The following SLC2A14 variants were observed in gnomAD, a reference collection of about 807,000 sequenced individuals.
SLC2A14 encodes the protein solute carrier family 2, facilitated glucose transporter member 14.
SLC2A14 carries 13 observed loss-of-function variants against 43.0 expected under a neutral mutation model. The observed-to-expected ratio is 0.30, with a 90% confidence interval of 0.20 to 0.48. The LOEUF (loss-of-function observed/expected upper bound fraction) is 0.48. Ranked by LOEUF, SLC2A14 falls within the 20% of genes least tolerant of loss-of-function variation. The pLI is 0.99. For synonymous variants in SLC2A14, 190 were observed against 233.8 expected, an observed-to-expected ratio of 0.81 and a Z score of 1.71; for missense variants, 428 against 620.4, an observed-to-expected ratio of 0.69 and a Z score of 3.29.
chr12:7,841,520 C>A (rs1865943408), intron 2 of SLC2A14, among the ~76,000 whole-genome samples: 1 of 152,096 alleles, frequency 6.6e-6, no homozygotes, highest in African/African-American at 2.4e-5. Context: ...CTTGGCCTTC[C>A]AAAGTGCTAG....
rs1480872349 is a variant in SLC2A14 at position 7,813,241 on chromosome 12, CA to C, written c.*1074del. The C allele has an allele frequency of 6.6e-6, 1 of 151,968 alleles. No homozygotes were observed. Among genetic ancestry groups the C allele is most frequent in the African/African-American group, 2.4e-5 (1 of 41,378 alleles). 9.4% of individuals were successfully genotyped at this position (151,968 alleles called of 1,614,324 possible). On this transcript the variant is annotated 3_prime_UTR_variant, in exon 11 of 11. Transcript: ENST00000431042. Reference sequence around the variant, plus strand: ...TCAACACCTAAAATCTCCTAAAGAACAAAGTGGAGAAATAATGAATCTCTAC... The same window carrying C: ...TCAACACCTAAAATCTCCTAAAGAACAAGTGGAGAAATAATGAATCTCTAC...
chr12:7,838,465 AT>A (rs1008832344), intron 2 of SLC2A14, among the ~76,000 whole-genome samples: 110 of 152,080 alleles, frequency 7.2e-4, no homozygotes, highest in African/African-American at 2.6e-3. Context: ...CTTCTTTCTT[AT>A]TTCCCCCATT....
At chr12:7,876,280 CAAAAAAAAAAA>C (rs59935166), upstream of SLC2A14, among the ~76,000 whole-genome samples, 1 of 68,208 alleles carries the variant, frequency 1.5e-5, no homozygotes, top group African/African-American at 5.8e-5. Flanking sequence ...AACTCCATCT[CAAAAAAAAAAA>C]AAAAAAAAAA....
At chr12:7,878,032 T>C (rs4346036), upstream of SLC2A14, among the ~76,000 whole-genome samples, 149,757 of 151,894 alleles carry the variant, frequency 0.99, 73,869 homozygotes, top group Non-Finnish European at 1. Context: ...TGAGCCACCA[T>C]GCCCGGCCTT....
At chr12:7,853,387 G>A (rs980372974) in intron 2 of SLC2A14, among the ~76,000 whole-genome samples, 1 of 134,386 alleles carries the variant, frequency 7.4e-6, no homozygotes, top group African/African-American at 2.8e-5. Flanking sequence ...TGCAGATCAT[G>A]CCATTGCACT....
At chr12:7,874,908 TA>T (rs1299683424), upstream of SLC2A14, among the ~76,000 whole-genome samples, 24 of 106,438 alleles carry the variant, frequency 2.3e-4, 1 homozygote, top group Admixed American at 3.7e-4. Context: ...TATATATAAA[TA>T]CATATATAAA....
upstream of SLC2A14, among the ~76,000 whole-genome samples, chr12:7,874,196 A>C (rs1945368083): frequency 6.6e-6 from 1 of 152,098 alleles, no homozygotes; most frequent in Admixed American, 6.6e-5. Context: ...CAGAACTCTC[A>C]CACATTTGTT....
chr12:7,887,558 CAGATAGATAGAT>C (rs58618647), intron 1 of SLC2A14, among the ~76,000 whole-genome samples: 35,067 of 148,352 alleles, frequency 0.24, 4,318 homozygotes, highest in Non-Finnish European at 0.27. Context: ...GTAGATAAAT[CAGATAGATAGAT>C]AGATAGATAG....
At chr12:7,827,024 CTT>C (rs1864521790) in intron 7 of SLC2A14, among the ~76,000 whole-genome samples, 1 of 114,714 alleles carries the variant, frequency 8.7e-6, no homozygotes, top group African/African-American at 3.1e-5. Context: ...TCTTTCTCTC[CTT>C]TCTCTCTCTT....
At chr12:7,827,215 A>G (rs1864567307) in intron 7 of SLC2A14, among the ~76,000 whole-genome samples, 1 of 149,376 alleles carries the variant, frequency 6.7e-6, no homozygotes. Context: ...GATCCAAGAA[A>G]TTCTCCGGCC....
At chr12:7,883,449 G>A (rs1945627094) in intron 1 of SLC2A14, among the ~76,000 whole-genome samples, 2 of 150,282 alleles carry the variant, frequency 1.3e-5, no homozygotes, top group South Asian at 2.1e-4. Context: ...TGTATTTTTA[G>A]TAGGGACAGG....
chr12:7,870,829 G>A, intron 1 of SLC2A14: 1 of 1,232,042 alleles, frequency 8.1e-7, no homozygotes, highest in Non-Finnish European at 1.0e-6. Context: ...ACCCAGTGAA[G>A]CCCCCACCCA....
intron 1 of SLC2A14, among the ~76,000 whole-genome samples, chr12:7,883,204 A>G (rs1015335442): frequency 2.6e-5 from 4 of 151,708 alleles, no homozygotes; most frequent in South Asian, 2.1e-4. Context: ...AGCAAGTCTC[A>G]GTCTCAAAAA....
intron 2 of SLC2A14, among the ~76,000 whole-genome samples, chr12:7,857,448 C>T (rs776939997): frequency 1.1e-4 from 16 of 151,306 alleles, no homozygotes; most frequent in African/African-American, 2.7e-4. Flanking sequence ...ATTACCCGAG[C>T]GCAGTGGTGC....
At chr12:7,836,653 A>G (rs1565527194) in intron 2 of SLC2A14, among the ~76,000 whole-genome samples, 2 of 151,414 alleles carry the variant, frequency 1.3e-5, no homozygotes, top group Non-Finnish European at 2.9e-5. Flanking sequence ...GGCCAATATC[A>G]CCAATCCCCA....
chr12:7,885,136 T>G (rs1037475100), intron 1 of SLC2A14, among the ~76,000 whole-genome samples: 3 of 152,050 alleles, frequency 2.0e-5, no homozygotes, highest in Non-Finnish European at 2.9e-5. Flanking sequence ...GAACCATGAG[T>G]CAGAAATTTT....
At chr12:7,834,721 G>GAA (rs139733135) in intron 2 of SLC2A14, among the ~76,000 whole-genome samples, 7 of 150,328 alleles carry the variant, frequency 4.7e-5, no homozygotes, top group Non-Finnish European at 7.4e-5. Flanking sequence ...CCTCAAAAAA[G>GAA]AAAAAAAAAG....
intron 1 of SLC2A14, chr12:7,871,226 A>T: frequency 8.0e-7 from 1 of 1,243,652 alleles, no homozygotes; most frequent in South Asian, 1.8e-5. Context: ...GACCACCTCC[A>T]GGAGCTGCTC....
At chr12:7,883,034 C>T (rs1043771894) in intron 1 of SLC2A14, among the ~76,000 whole-genome samples, 18 of 151,360 alleles carry the variant, frequency 1.2e-4, no homozygotes, top group Admixed American at 6.6e-5. Context: ...CATGGTGAAA[C>T]CCTGTCTCTA....
Sources: allele counts gnomAD v4.1 joint callset (sites outside exome capture counted in the v4.1 genomes callset), GRCh38; gene constraint gnomAD v4.1.1; transcripts MANE v1.5; gene names NCBI Gene and HGNC (gene_info 2026-07-23, HGNC 2026-07-21).